CCAR1: variants seen among roughly 807,000 people sequenced by gnomAD.
CCAR1 encodes cell division cycle and apoptosis regulator protein 1.
Under a neutral mutation model 163.8 loss-of-function variants are expected in CCAR1, and 78 were observed. The ratio of observed to expected loss-of-function variants is 0.48; its 90% CI spans 0.40 to 0.57. The LOEUF (loss-of-function observed/expected upper bound fraction) is 0.57. Among genes scored for constraint, CCAR1 ranks in the 20% least tolerant of loss-of-function variants. The probability of loss-of-function intolerance (pLI) is 0.00; values close to 1 mark genes in which losing one functional copy is unlikely to be tolerated. For missense variants in CCAR1, 1,019 were observed against 1,365.2 expected (o/e 0.75, Z 4.00); for synonymous variants, 443 against 460.7 (o/e 0.96, Z 0.49).
intron 6 of CCAR1, among the ~76,000 whole-genome samples, chr10:68,746,942 G>A (rs1433249178): frequency 6.6e-6 from 1 of 151,922 alleles, no homozygotes; most frequent in Non-Finnish European, 1.5e-5. Flanking sequence ...TGCACAATGT[G>A]CAGGTTAGTT....
chr10:68,770,612 A>G (rs567766573), intron 17 of CCAR1, among the ~76,000 whole-genome samples: 35 of 152,220 alleles, frequency 2.3e-4, no homozygotes, highest in African/African-American at 7.7e-4. Context: ...GCTTGGTGGC[A>G]CAAGCCTGTA....
At chr10:68,775,975 A>T (rs1025631211) in intron 19 of CCAR1, among the ~76,000 whole-genome samples, 1 of 151,632 alleles carries the variant, frequency 6.6e-6, no homozygotes, top group Non-Finnish European at 1.5e-5. Context: ...AGTTATAGAC[A>T]TGGGCCACTG....
intron 8 of CCAR1, among the ~76,000 whole-genome samples, 154 bp from the exon 9 acceptor site, chr10:68,748,982 C>T (rs58782189): frequency 0.077 from 11,686 of 152,102 alleles, 1,258 homozygotes; most frequent in African/African-American, 0.24. Flanking sequence ...CCGGCCAGTA[C>T]CTATTCTTTA....
In CCAR1 at chr10:68,756,613, C is replaced by T. The variant is rs2056399652; in HGVS notation, c.1836+130C>T. ...TAACTGGTAACAGCGACTGGTAATC[C>T]AGCTTTCAGCAGTATAGTTGTATGT... On this transcript the variant is annotated intron_variant, in intron 14 of 24. Transcript: ENST00000265872. The surrounding 1 kb of genome is among the most constrained non-coding windows in gnomAD (Gnocchi z 5.1). The T allele has an allele frequency of 1.3e-6, 1 of 757,410 alleles. No individual in the cohort carries two copies. The highest frequency in any genetic ancestry group is 1.7e-5 in the African/African-American group (1 of 58,240). The allele number at this position is 757,410 out of a possible 1,614,324, so 46.9% of individuals were successfully genotyped here.
At position 68,730,262 on chromosome 10, in the gene CCAR1, G is replaced by T. The variant is rs531115827; in HGVS notation, c.74-6614G>T. ...TGATAGCTTGTGGTCAATAAATTAT[G>T]TTAATAGTATATTATAACATGACTG... is the stretch of plus-strand genomic sequence containing the variant. On this transcript the variant is annotated intron_variant, in intron 2 of 24. Coordinates refer to ENST00000265872, the MANE Select transcript of CCAR1 (RefSeq NM_018237.4). Among the ~76,000 whole-genome samples, 416 of 150,634 alleles carry T rather than the reference G, an allele frequency of 2.8e-3. 3 individuals are homozygous for T. Among genetic ancestry groups the T allele is most frequent in the African/African-American group, 9.5e-3 (388 of 41,016 alleles).
Position 68,742,693 on chromosome 10 carries a change from G to A in CCAR1, c.518+124G>A, listed in dbSNP as rs2056197840. The A allele has an allele frequency of 5.4e-6, 4 of 743,558 alleles. No homozygotes were observed. The Admixed American group carries it at 9.4e-5, about 17-fold the overall frequency. 46.1% of individuals were successfully genotyped at this position (743,558 alleles called of 1,614,324 possible). A position where few individuals can be genotyped will look rare whatever the true frequency, so the allele number is the denominator to read the frequency against. ...TTGTGCAATCTCAAGTCGACTCACTGCAGCCTCTGCCTCCTGGGTTCAAGC... is the reference window on the plus strand; with the variant it reads ...TTGTGCAATCTCAAGTCGACTCACTACAGCCTCTGCCTCCTGGGTTCAAGC... On this transcript the variant is annotated intron_variant, in intron 6 of 24. Coordinates refer to ENST00000265872, the MANE Select transcript of CCAR1 (RefSeq NM_018237.4).
Position 68,747,725 on chromosome 10 carries a change from T to C in CCAR1, c.826+159T>C, listed in dbSNP as rs143932524. Among the ~76,000 whole-genome samples, 630 of 152,338 alleles carry C rather than the reference T, an allele frequency of 4.1e-3. 4 individuals carry two copies. Among genetic ancestry groups the C allele is most frequent in the African/African-American group, 0.014 (597 of 41,576 alleles). ...CTTCCATAGCTATGTGGAAGTATTTTTTTTTCTCTTAGTGATAAGAAATTA... is the reference window on the plus strand; with the variant it reads ...CTTCCATAGCTATGTGGAAGTATTTCTTTTTCTCTTAGTGATAAGAAATTA... On this transcript the variant is annotated intron_variant, in intron 8 of 24. Coordinates refer to ENST00000265872, the MANE Select transcript of CCAR1 (RefSeq NM_018237.4).
At chr10:68,754,976 TG>T (rs1564539969) in intron 12 of CCAR1, 149 bp downstream of exon 12, 1 of 605,200 alleles carries the variant, frequency 1.7e-6, no homozygotes, top group African/African-American at 1.8e-5. Context: ...ATGATGTAGA[TG>T]TTTTTCTCAT....
At chr10:68,748,754 C>G (rs902198665) in intron 8 of CCAR1, among the ~76,000 whole-genome samples, 1 of 152,084 alleles carries the variant, frequency 6.6e-6, no homozygotes, top group Non-Finnish European at 1.5e-5. Flanking sequence ...TGGTCTGTCA[C>G]TGAGGCATAG....
chr10:68,738,167 C>A (rs191732020), intron 4 of CCAR1, among the ~76,000 whole-genome samples: 113 of 152,322 alleles, frequency 7.4e-4, no homozygotes, highest in Non-Finnish European at 1.4e-3. Context: ...GTAATCCCAG[C>A]ATACTGGGAA....
chr10:68,750,978 C>G (rs1589166133), intron 10 of CCAR1, among the ~76,000 whole-genome samples: 1 of 151,294 alleles, frequency 6.6e-6, no homozygotes, highest in South Asian at 2.1e-4. Flanking sequence ...ACATAGTTGG[C>G]GTTCATTTAC....
At chr10:68,753,768 C>T in intron 10 of CCAR1, 84 bp from the exon 11 acceptor site, 2 of 972,420 alleles carry the variant, frequency 2.1e-6, no homozygotes, top group Non-Finnish European at 3.2e-6. Context: ...TTTACTATAT[C>T]CAGTTATATT....
chr10:68,742,336 C>G (rs777578014), intron 5 of CCAR1, 40 bp from the exon 6 acceptor site: 7 of 1,507,590 alleles, frequency 4.6e-6, no homozygotes, highest in Non-Finnish European at 5.4e-6. Context: ...TAGATGATTT[C>G]AAATCATTAC....
At chr10:68,787,463 A>G (rs1371920289) in intron 21 of CCAR1, among the ~76,000 whole-genome samples, 2 of 152,094 alleles carry the variant, frequency 1.3e-5, no homozygotes, top group African/African-American at 2.4e-5. Flanking sequence ...ATTTTTATCA[A>G]TGTTATACTT....
intron 21 of CCAR1, 42 bp downstream of exon 21, chr10:68,786,734 A>C (rs1464660498): frequency 6.6e-7 from 1 of 1,515,596 alleles, no homozygotes; most frequent in Admixed American, 2.2e-5. Flanking sequence ...ACATTTTTTA[A>C]AAGTTACCTT....
chr10:68,779,518 C>T (rs912051456), intron 19 of CCAR1, among the ~76,000 whole-genome samples: 2 of 152,130 alleles, frequency 1.3e-5, no homozygotes, highest in Non-Finnish European at 2.9e-5. Context: ...CTCAGCCTCC[C>T]AAAGTGCCGG....
chr10:68,788,961 G>C (rs942993806), intron 23 of CCAR1, among the ~76,000 whole-genome samples: 2 of 151,540 alleles, frequency 1.3e-5, no homozygotes, highest in African/African-American at 4.9e-5. Flanking sequence ...CCAGGCTGGA[G>C]TGCAGTGGGG....
intron 2 of CCAR1, among the ~76,000 whole-genome samples, chr10:68,723,576 C>T (rs926333816): frequency 1.3e-5 from 2 of 151,778 alleles, no homozygotes; most frequent in African/African-American, 2.4e-5. Context: ...GGGCCGGGCG[C>T]GGTGACTCAT....
At chr10:68,722,392 A>G in intron 1 of CCAR1, 63 bp from the exon 2 acceptor site, 1 of 836,116 alleles carries the variant, frequency 1.2e-6, no homozygotes, top group Middle Eastern at 2.2e-4. Context: ...TTTCTATTGT[A>G]ATATCCTTTT....
Sources: gnomAD v4.1 joint callset for allele counts (sites outside exome capture counted in the v4.1 genomes callset) on GRCh38, gnomAD v4.1.1 for gene constraint, Gnocchi (gnomAD v3.1) non-coding constraint, MANE v1.5 for transcripts, NCBI Gene and HGNC (gene_info 2026-07-23, HGNC 2026-07-21) for gene names.